The following TMEM235 variants were observed in gnomAD, a reference collection of about 807,000 sequenced individuals.
TMEM235 encodes claudin-27.
A neutral mutation model predicts 22.9 loss-of-function variants in TMEM235; 23 were observed. That is an observed-to-expected ratio of 1.00 (90% CI 0.72 to 1.42). The LOEUF (loss-of-function observed/expected upper bound fraction) is 1.42. TMEM235 is among the 40% of genes most tolerant of loss of function. The pLI, the probability that TMEM235 is intolerant of heterozygous loss-of-function variation, is 0.00. For missense variants in TMEM235, 308 were observed against 299.5 expected, an observed-to-expected ratio of 1.03 and a Z score of -0.21; for synonymous variants, 137 against 140.5, an observed-to-expected ratio of 0.98 and a Z score of 0.17.
exon 2 of TMEM235, chr17:78,231,569 C>G (rs1010377814): frequency 2.3e-6 from 3 of 1,303,920 alleles, no homozygotes; most frequent in Non-Finnish European, 3.0e-6. Flanking sequence ...GGTGGGTGGT[C>G]CTGCTGCCTG....
At chr17:78,236,514 G>T (rs1850385853) in intron 4 of TMEM235, among the ~76,000 whole-genome samples, 1 of 152,214 alleles carries the variant, frequency 6.6e-6, no homozygotes, top group African/African-American at 2.4e-5. Flanking sequence ...CCAGCTGCAG[G>T]TGAGAAATCT....
rs144516571 is a variant in TMEM235 at position 78,238,992 on chromosome 17, C to T, written c.410-32C>T. On this transcript the variant is annotated intron_variant, in intron 4 of 5. Coordinates refer to ENST00000421688, the Ensembl canonical transcript of TMEM235. The surrounding 1 kb of genome is among the most constrained non-coding windows in gnomAD (Gnocchi z 4.3). ...GGGCCTGGGCCCGCTAGAGCAGACA[C>T]CGAGCAGCTGCCCTCCCCATCTCTC... The T allele has an allele frequency of 1.1e-4, 170 of 1,523,406 alleles. No homozygotes were observed. The highest frequency in any genetic ancestry group is 1.3e-4 in the Non-Finnish European group (148 of 1,135,508). The allele number at this position is 1,523,406 out of a possible 1,614,324, so 94.4% of individuals were successfully genotyped here.
At chr17:78,231,879 G>A (rs1390848136) in exon 2 of TMEM235, 1 of 1,130,584 alleles carries the variant, frequency 8.8e-7, no homozygotes, top group Non-Finnish European at 1.1e-6. Context: ...AGGCCAGTGC[G>A]CGGGCAGGAG....
chr17:78,239,319 G>T (rs1184482612), intron 5 of TMEM235, 46 bp downstream of exon 4: 5 of 1,514,162 alleles, frequency 3.3e-6, no homozygotes, highest in African/African-American at 1.4e-5. Context: ...GGATTGGGCG[G>T]TCAGGGCCAG....
chr17:78,231,813 GCTCAGCGACCGCAGAGAGGTGGGGTCGAT>G (rs1333328440), exon 2 of TMEM235: 3 of 1,207,264 alleles, frequency 2.5e-6, no homozygotes, highest in African/African-American at 3.2e-5. Flanking sequence ...CCAGGGGCGA[GCTCAGCGACCGCAGAGAGGTGGGGTCGAT>G]CTCCCTGCGA....
intron 4 of TMEM235, among the ~76,000 whole-genome samples, chr17:78,235,997 G>A (rs944879255): frequency 1.3e-5 from 2 of 152,226 alleles, no homozygotes; most frequent in Non-Finnish European, 2.9e-5. Flanking sequence ...TTCATGGGAA[G>A]CCACTGCCAT....
At chr17:78,231,638 G>A (rs1438642798) in exon 2 of TMEM235, 1 of 1,301,638 alleles carries the variant, frequency 7.7e-7, no homozygotes, top group Non-Finnish European at 1.0e-6. Context: ...CTCAAGCCCT[G>A]CACAGCCCGG....
chr17:78,238,932 C>A lies in TMEM235; in HGVS notation c.410-92C>A. On this transcript the variant is annotated intron_variant, in intron 4 of 5. Transcript: ENST00000421688. This position sits in a 1 kb window ranked among gnomAD's most constrained non-coding sequence, Gnocchi z 4.3. ...CAGCTCTGCCTGAATGCTAGCGGGG[C>A]CGGGGATGCTGAGGCCATGTCTGCA... 1.6e-5 allele frequency: 23 copies of A among 1,462,988 alleles called. No homozygotes were observed. Among genetic ancestry groups the A allele is most frequent in the Non-Finnish European group, 2.1e-5 (23 of 1,102,736 alleles). 90.6% of individuals were successfully genotyped at this position (1,462,988 alleles called of 1,614,324 possible).
intron 3 of TMEM235, 59 bp from the exon 3 acceptor site, chr17:78,234,534 G>C: frequency 1.3e-6 from 2 of 1,530,652 alleles, no homozygotes; most frequent in Non-Finnish European, 1.8e-6. Context: ...TCCTCCGGCA[G>C]ACAAGTGCTG....
At chr17:78,234,921 T>C (rs2145919126) in intron 4 of TMEM235, among the ~76,000 whole-genome samples, 191 bp downstream of exon 3, 1 of 152,360 alleles carries the variant, frequency 6.6e-6, no homozygotes, top group Non-Finnish European at 1.5e-5. Context: ...TGTTCTCACG[T>C]TGCTATAAAG....
chr17:78,231,734 G>T lies in TMEM235; in HGVS notation c.-290G>T, dbSNP rs551364670. The T allele has an allele frequency of 1.1e-4, 137 of 1,241,938 alleles. No individual in the cohort carries two copies. The Middle Eastern group carries it at 4.1e-3, about 37-fold the overall frequency. 76.9% of individuals were successfully genotyped at this position (1,241,938 alleles called of 1,614,324 possible). ...GTGCCCAGGGACCCGGGGCCAGCCC[G>T]TGGGGACGCTGGGATTGGAGCCCAA... On this transcript the variant is annotated 5_prime_UTR_variant, in exon 2 of 6. Coordinates refer to ENST00000421688, the Ensembl canonical transcript of TMEM235.
chr17:78,232,178 T>G (rs1204777987), exon 2 of TMEM235: 1 of 1,493,626 alleles, frequency 6.7e-7, no homozygotes, highest in Non-Finnish European at 8.9e-7. Context: ...GCAGAGCTGC[T>G]CTCCTCGCAC....
rs200805574 is a variant in TMEM235 at position 78,239,122 on chromosome 17, G to A, written c.508G>A (p.Val170Ile). The A allele has an allele frequency of 4.8e-4, 741 of 1,543,414 alleles. 1 individual carries two copies. Among genetic ancestry groups the A allele is most frequent in the Non-Finnish European group, 5.7e-4 (658 of 1,146,968 alleles). The stretch of plus-strand genomic sequence containing the variant: ...GTATGGCCCGCAGCACATGCAGGGC[G>A]TCCGCGTCAGCTTCGGCTGGTCCAT... Residue 170 changes from valine to isoleucine, a missense_variant, in exon 5 of 6, where the codon GTC becomes ATC. Transcript: ENST00000421688.
chr17:78,238,950 T>C lies in TMEM235; in HGVS notation c.410-74T>C. 2 of 1,480,828 alleles carry C rather than the reference T, an allele frequency of 1.4e-6. No individual in the cohort carries two copies. Among genetic ancestry groups the C allele is most frequent in the Non-Finnish European group, 1.8e-6 (2 of 1,112,998 alleles). The allele number at this position is 1,480,828 out of a possible 1,614,324, so 91.7% of individuals were successfully genotyped here. Reference sequence around the variant, plus strand: ...AGCGGGGCCGGGGATGCTGAGGCCATGTCTGCAGGACCACCTGGGCCTGGG... The same window carrying C: ...AGCGGGGCCGGGGATGCTGAGGCCACGTCTGCAGGACCACCTGGGCCTGGG... On this transcript the variant is annotated intron_variant, in intron 4 of 5. Transcript: ENST00000421688. This position sits in a 1 kb window ranked among gnomAD's most constrained non-coding sequence, Gnocchi z 4.3.
At chr17:78,231,824 G>A in exon 2 of TMEM235, 2 of 1,204,128 alleles carry the variant, frequency 1.7e-6, no homozygotes, top group Non-Finnish European at 2.1e-6. Flanking sequence ...CTCAGCGACC[G>A]CAGAGAGGTG....
At position 78,232,218 on chromosome 17, in the gene TMEM235, C is replaced by G. The variant is rs1423183569; in HGVS notation, c.190+5C>G. Reference sequence around the variant, plus strand: ...GGCTCTGGCGCATCTGCGAAGGTAACCGGCCACCGCGCCGGCCCTCCTCCC... The same window carrying G: ...GGCTCTGGCGCATCTGCGAAGGTAAGCGGCCACCGCGCCGGCCCTCCTCCC... On this transcript the variant is annotated splice_donor_5th_base_variant and intron_variant, in intron 2 of 5. Transcript: ENST00000421688. 2.1e-6 allele frequency: 3 copies of G among 1,452,956 alleles called. No homozygotes were observed. The South Asian group carries it at 4.0e-5, about 20-fold the overall frequency. 90.0% of individuals were successfully genotyped at this position (1,452,956 alleles called of 1,614,324 possible). A position where few individuals can be genotyped will look rare whatever the true frequency, so the allele number is the denominator to read the frequency against.
chr17:78,233,947 C>T (rs372588474), exon 3 of TMEM235: 10 of 1,534,218 alleles, frequency 6.5e-6, no homozygotes, highest in African/African-American at 5.5e-5. Flanking sequence ...AGAGCCTGGA[C>T]GTCTCCACCT....
rs1005248082 is a variant in TMEM235, at chr17:78,240,078, G to C, written c.*286G>C. ...AGCAGGCACCCAGATCTCTGTCCTT[G>C]TCCTGGCACAGGCTGCTGCTGCTTC... On this transcript the variant is annotated 3_prime_UTR_variant, in exon 6 of 6. Coordinates refer to ENST00000421688, the Ensembl canonical transcript of TMEM235. 2.8e-6 allele frequency: 4 copies of C among 1,428,188 alleles called. No homozygotes were observed. In the Admixed American group the frequency reaches 7.2e-5, roughly 26 times the overall value. 88.5% of individuals were successfully genotyped at this position (1,428,188 alleles called of 1,614,324 possible).
exon 2 of TMEM235, chr17:78,231,646 C>G (rs1275698043): frequency 7.7e-7 from 1 of 1,300,094 alleles, no homozygotes. Context: ...CTGCACAGCC[C>G]GGCCAGGCAG....
Sources: allele counts gnomAD v4.1 joint callset (sites outside exome capture counted in the v4.1 genomes callset), GRCh38; gene constraint gnomAD v4.1.1; non-coding constraint Gnocchi (gnomAD v3.1); transcripts MANE v1.5; gene names NCBI Gene and HGNC (gene_info 2026-07-23, HGNC 2026-07-21).